C9: variants seen among roughly 807,000 people sequenced by gnomAD.
The protein encoded by C9 is complement component C9.
In C9, 63 loss-of-function variants were observed where a neutral mutation model predicts 65.4. The observed-to-expected ratio is 0.96, with a 90% confidence interval of 0.79 to 1.19. C9 has a LOEUF of 1.19. Ranked by LOEUF, C9 falls within the 50% of genes most tolerant of loss-of-function variation. The pLI is 0.00. For missense variants in C9, 744 were observed against 670.1 expected (o/e 1.11, Z -1.22); for synonymous variants, 229 against 227.9 (o/e 1.00, Z -0.04).
chr5:39,306,809 G>T lies in C9; in HGVS notation c.1241-17C>A. On this transcript the variant is annotated splice_polypyrimidine_tract_variant and intron_variant, in intron 8 of 10. Coordinates refer to ENST00000263408, the MANE Select transcript of C9 (RefSeq NM_001737.5). ...TGATGTTTACTGAGGAGAGAAGGAAGATTTAAAGAGAAGCAGAAGAAGTTT... is the reference window on the plus strand; with the variant it reads ...TGATGTTTACTGAGGAGAGAAGGAATATTTAAAGAGAAGCAGAAGAAGTTT... The T allele has an allele frequency of 1.9e-6, 3 of 1,584,054 alleles. No individual in the cohort carries two copies. The South Asian group carries it at 3.3e-5, about 18-fold the overall frequency.
chr5:39,293,155 T>C (rs940585429), intron 9 of C9, among the ~76,000 whole-genome samples: 2 of 151,792 alleles, frequency 1.3e-5, no homozygotes, highest in Non-Finnish European at 2.9e-5. Context: ...AAACAAAAGA[T>C]ATTCAGAATA....
rs573471819 is a variant in C9 at position 39,350,153 on chromosome 5, C to T, written c.78-7957G>A. Among the ~76,000 whole-genome samples the T allele has an allele frequency of 5.9e-5, 9 of 152,264 alleles. No homozygotes were observed. The East Asian group carries it at 9.6e-4, about 16-fold the overall frequency. ...TGAAGGGTAAGCAAGTACATCTTCA[C>T]ATAACATCAGGAGAGAGAGAGTGAC... On this transcript the variant is annotated intron_variant, in intron 1 of 10. Transcript: ENST00000263408.
At chr5:39,293,241 A>G (rs429300) in intron 9 of C9, among the ~76,000 whole-genome samples, 124,117 of 151,980 alleles carry the variant, frequency 0.82, 52,773 homozygotes, top group Non-Finnish European at 0.93. Context: ...AATACATTAA[A>G]TTCCCCATTT....
intron 1 of C9, among the ~76,000 whole-genome samples, chr5:39,363,410 C>A (rs1754555716): frequency 6.6e-6 from 1 of 152,160 alleles, no homozygotes; most frequent in Non-Finnish European, 1.5e-5. Context: ...AGCCAAGAGG[C>A]AGGCAAATAT....
intron 1 of C9, among the ~76,000 whole-genome samples, chr5:39,346,798 C>T (rs1754206511): frequency 6.6e-6 from 1 of 152,164 alleles, no homozygotes; most frequent in Admixed American, 6.5e-5. Context: ...CCGAATCCAG[C>T]AACACATCAA....
intron 10 of C9, among the ~76,000 whole-genome samples, chr5:39,287,751 C>T (rs1753017644): frequency 6.6e-6 from 1 of 151,834 alleles, no homozygotes; most frequent in Non-Finnish European, 1.5e-5. Flanking sequence ...CATGTTCTCG[C>T]TTATAAGTGG....
intron 4 of C9, among the ~76,000 whole-genome samples, chr5:39,333,663 C>G (rs570618019): frequency 4.0e-5 from 4 of 99,916 alleles, no homozygotes; most frequent in Non-Finnish European, 7.2e-5. Flanking sequence ...TCATGCCGAG[C>G]GGCAGCTGGA....
chr5:39,359,017 AATATAT>A (rs58599841), intron 1 of C9, among the ~76,000 whole-genome samples: 2,867 of 130,638 alleles, frequency 0.022, 79 homozygotes, highest in African/African-American at 0.067. Flanking sequence ...ATAAATAAAA[AATATAT>A]ATATATATAT....
intron 1 of C9, among the ~76,000 whole-genome samples, chr5:39,349,230 A>C (rs1255358016): frequency 1.3e-5 from 2 of 151,346 alleles, no homozygotes; most frequent in Non-Finnish European, 1.5e-5. Flanking sequence ...ATCTCTCCTC[A>C]AATTCTCTAG....
intron 9 of C9, among the ~76,000 whole-genome samples, chr5:39,296,193 T>C (rs978208453): frequency 6.6e-5 from 10 of 151,606 alleles, no homozygotes; most frequent in Non-Finnish European, 1.3e-4. Context: ...TATATCCAAT[T>C]GAAAAGCTTC....
intron 1 of C9, among the ~76,000 whole-genome samples, chr5:39,346,859 G>T (rs899075300): frequency 6.6e-6 from 1 of 152,160 alleles, no homozygotes; most frequent in Non-Finnish European, 1.5e-5. Flanking sequence ...ATGCAAGGCT[G>T]GTTCAACATA....
chr5:39,345,240 G>A, intron 1 of C9, among the ~76,000 whole-genome samples: 1 of 152,196 alleles, frequency 6.6e-6, no homozygotes, highest in Non-Finnish European at 1.5e-5. Flanking sequence ...ATTGGATAAA[G>A]AGTAAAGACC....
intron 5 of C9, among the ~76,000 whole-genome samples, chr5:39,321,808 A>T (rs556380557): frequency 3.3e-5 from 5 of 152,232 alleles, no homozygotes; most frequent in Admixed American, 2.6e-4. Flanking sequence ...GTCAGAGGAT[A>T]TTTAAATTTC....
At chr5:39,311,038 T>C in intron 7 of C9, 99 bp downstream of exon 7, 1 of 1,350,270 alleles carries the variant, frequency 7.4e-7, no homozygotes, top group East Asian at 2.3e-5. Context: ...GTTACAGGGC[T>C]TTGTATTCTT....
intron 5 of C9, 26 bp from the exon 6 acceptor site, chr5:39,316,055 TAAAAACAAGATACGAAACAAAAGG>T (rs1753565366): frequency 6.3e-7 from 1 of 1,592,514 alleles, no homozygotes; most frequent in East Asian, 2.2e-5. Flanking sequence ...AAAGTGTTGT[TAAAAACAAGATACGAAACAAAAGG>T]AAAAACAAGC....
intron 1 of C9, among the ~76,000 whole-genome samples, chr5:39,354,905 G>A (rs189102710): frequency 2.5e-3 from 377 of 152,306 alleles, no homozygotes; most frequent in Non-Finnish European, 3.5e-3. Flanking sequence ...ATTACACTAG[G>A]AGGTAAAGGA....
chr5:39,307,048 C>T (rs542409733), intron 8 of C9, among the ~76,000 whole-genome samples: 11 of 152,270 alleles, frequency 7.2e-5, no homozygotes, highest in African/African-American at 2.6e-4. Context: ...TCTAGATACA[C>T]TGATAAATTC....
At chr5:39,292,371 T>C (rs1473250209) in intron 9 of C9, among the ~76,000 whole-genome samples, 3 of 151,584 alleles carry the variant, frequency 2.0e-5, no homozygotes, top group Non-Finnish European at 2.9e-5. Context: ...ACACAAACTG[T>C]AAACATAGAA....
At chr5:39,291,095 C>A (rs1456446135) in intron 9 of C9, among the ~76,000 whole-genome samples, 1 of 151,598 alleles carries the variant, frequency 6.6e-6, no homozygotes, top group Non-Finnish European at 1.5e-5. Context: ...TGAATGAGAC[C>A]AGTGGAAATT....
Sources: allele counts gnomAD v4.1 joint callset (sites outside exome capture counted in the v4.1 genomes callset), GRCh38; gene constraint gnomAD v4.1.1; transcripts MANE v1.5; gene names NCBI Gene and HGNC (gene_info 2026-07-23, HGNC 2026-07-21).